RMDN3: variants seen among roughly 807,000 people sequenced by gnomAD.
The protein encoded by RMDN3 is regulator of microtubule dynamics 3.
RMDN3 carries 41 observed loss-of-function variants against 61.8 expected under a neutral mutation model. The observed-to-expected ratio is 0.66, with a 90% confidence interval of 0.52 to 0.86. The LOEUF is 0.86. RMDN3 is among the 40% of genes least tolerant of loss of function. The pLI is 0.00. For synonymous variants in RMDN3, 247 were observed against 232.0 expected, an observed-to-expected ratio of 1.06 and a Z score of -0.59; for missense variants, 557 against 585.3, an observed-to-expected ratio of 0.95 and a Z score of 0.50.
At chr15:40,748,185 C>A (rs1429909840) in intron 4 of RMDN3, among the ~76,000 whole-genome samples, 1 of 152,204 alleles carries the variant, frequency 6.6e-6, no homozygotes, top group East Asian at 1.9e-4. Context: ...TCAGTGAAAT[C>A]AAGCAGCCCA....
chr15:40,744,186 C>A (rs1897401026), intron 5 of RMDN3, 37 bp from the exon 6 acceptor site: 12 of 1,595,720 alleles, frequency 7.5e-6, no homozygotes, highest in Non-Finnish European at 1.0e-5. Flanking sequence ...GCCCCTTTTT[C>A]CTCAACTGTG....
rs1376106733 is a variant in RMDN3, at chr15:40,738,516, A to ACTCTGGATGCGC, written c.1020_1031dup (p.Arg340_Gln343dup). The ACTCTGGATGCGC allele has an allele frequency of 1.9e-6, 3 of 1,614,118 alleles. No individual in the cohort carries two copies. The highest frequency in any genetic ancestry group is 8.5e-7 in the Non-Finnish European group (1 of 1,180,032). On this transcript the variant is annotated inframe_insertion, in exon 8 of 13. Transcript: ENST00000338376. ...CTGTCCTCACCTTGAAGCTAAAGCC[A>ACTCTGGATGCGC]CTCTGGATGCGCCTCTGGATGCTCT...
intron 5 of RMDN3, 98 bp downstream of exon 5, chr15:40,744,879 G>A: frequency 7.8e-7 from 1 of 1,288,658 alleles, no homozygotes; most frequent in Non-Finnish European, 1.1e-6. Context: ...TCACCTTGTA[G>A]GGGCAGTAAC....
intron 4 of RMDN3, among the ~76,000 whole-genome samples, chr15:40,748,945 C>T (rs1251024041): frequency 2.0e-5 from 3 of 151,490 alleles, no homozygotes; most frequent in South Asian, 2.1e-4. Context: ...GCTCTATCAC[C>T]GAGGCTGGAG....
At chr15:40,747,193 GTC>G (rs1363999753) in intron 4 of RMDN3, among the ~76,000 whole-genome samples, 3 of 152,216 alleles carry the variant, frequency 2.0e-5, no homozygotes, top group South Asian at 2.1e-4. Context: ...CCAAAGAGGA[GTC>G]TCTCTGCCTC....
chr15:40,752,550 C>T (rs1051427151), intron 2 of RMDN3, among the ~76,000 whole-genome samples: 1 of 151,984 alleles, frequency 6.6e-6, no homozygotes, highest in African/African-American at 2.4e-5. Context: ...TCAATACCAA[C>T]CACATAGCAA....
chr15:40,747,676 A>T (rs1406274814), intron 4 of RMDN3: 1 of 152,090 alleles, frequency 6.6e-6, no homozygotes, highest in African/African-American at 2.4e-5. Flanking sequence ...GACCTTTGAA[A>T]AGGCCCTTTG....
chr15:40,736,242 G>C lies in RMDN3; in HGVS notation c.*299C>G, dbSNP rs1188871627. On this transcript the variant is annotated 3_prime_UTR_variant, in exon 13 of 13. Transcript: ENST00000338376. ...CATCCACCTCACCAGCAATTGGAAG[G>C]TCTCAGGTCTTGCAGGCTCTACCCA... The C allele has an allele frequency of 2.5e-6, 1 of 397,928 alleles. No homozygotes were observed. The highest frequency in any genetic ancestry group is 2.1e-5 in the African/African-American group (1 of 48,328). The allele number at this position is 397,928 out of a possible 1,614,324, so 24.6% of individuals were successfully genotyped here.
In RMDN3 at chr15:40,752,171, G is replaced by A. The variant is rs761176598; in HGVS notation, c.195C>T (p.Leu65=). The A allele has an allele frequency of 2.5e-6, 4 of 1,613,530 alleles. No homozygotes were observed. Among genetic ancestry groups the A allele is most frequent in the Non-Finnish European group, 3.4e-6 (4 of 1,179,670 alleles). ...QTSDPGRHVM[L]LRAVPGGAGD... ...CAGCCCCACCTGGGACAGCCCGCAG[G>A]AGCATCACTGAAGGGGGAAACGAAT... The change falls in exon 3 of 13, where the codon CTC becomes CTT. Residue 65 remains leucine (L), a synonymous_variant. Coordinates refer to ENST00000338376, the MANE Select transcript of RMDN3 (RefSeq NM_018145.3).
chr15:40,738,887 G>A, intron 7 of RMDN3: 1 of 327,484 alleles, frequency 3.1e-6, no homozygotes, highest in East Asian at 5.6e-5. Flanking sequence ...TACAGCCACA[G>A]GCATTAATAA....
chr15:40,750,697 C>G (rs936752705), intron 4 of RMDN3, among the ~76,000 whole-genome samples: 5 of 152,204 alleles, frequency 3.3e-5, no homozygotes, highest in Non-Finnish European at 7.3e-5. Context: ...TTCTCTACAC[C>G]AGTCTTTCCC....
At chr15:40,744,197 G>A (rs754154824) in intron 5 of RMDN3, 48 bp from the exon 6 acceptor site, 2 of 1,563,272 alleles carry the variant, frequency 1.3e-6, no homozygotes, top group South Asian at 1.1e-5. Flanking sequence ...CTCAACTGTG[G>A]AGAATGGGGG....
intron 2 of RMDN3, among the ~76,000 whole-genome samples, chr15:40,754,348 AC>A (rs1897949086): frequency 6.6e-6 from 1 of 152,036 alleles, no homozygotes; most frequent in Non-Finnish European, 1.5e-5. Flanking sequence ...ATCTGGTTGA[AC>A]GTTGGCCAGG....
chr15:40,740,285 C>T, intron 6 of RMDN3, 92 bp from the exon 7 acceptor site: 1 of 829,636 alleles, frequency 1.2e-6, no homozygotes, highest in East Asian at 2.5e-5. Context: ...TTAGCTCTCA[C>T]CAATCCCTAC....
rs1265887868 is a variant in RMDN3, at chr15:40,736,468, T to TC, written c.*72dup. On this transcript the variant is annotated 3_prime_UTR_variant, in exon 13 of 13. Transcript: ENST00000338376. ...GTGTGGTTTCCTGATCTCAGCAAGG[T>TC]CTAAGGAAAAAAGCCTCCCCGCCCC... 2 of 1,378,118 alleles carry TC rather than the reference T, an allele frequency of 1.5e-6. No individual in the cohort carries two copies. Among genetic ancestry groups the TC allele is most frequent in the Non-Finnish European group, 2.1e-6 (2 of 967,794 alleles). The allele number at this position is 1,378,118 out of a possible 1,614,324, so 85.4% of individuals were successfully genotyped here. A position where few individuals can be genotyped will look rare whatever the true frequency, so the allele number is the denominator to read the frequency against.
chr15:40,744,962 C>T lies in RMDN3; in HGVS notation c.807+15G>A, dbSNP rs1897453347. 6.3e-7 allele frequency: 1 copy of T among 1,575,856 alleles called. No homozygotes were observed. The highest frequency in any genetic ancestry group is 8.6e-7 in the Non-Finnish European group (1 of 1,159,776). ...AGGGAGGGAAGGAGAAGGAGACAGG[C>T]AGCTGGAGCCTCACCACCAGCTTGT... On this transcript the variant is annotated intron_variant, in intron 5 of 12. Transcript: ENST00000338376.
At chr15:40,737,565 A>G in intron 10 of RMDN3, 63 bp downstream of exon 10, 1 of 1,454,098 alleles carries the variant, frequency 6.9e-7, no homozygotes, top group Non-Finnish European at 9.6e-7. Flanking sequence ...GGGTCTCAAT[A>G]ATGTCCTTAG....
In RMDN3 at chr15:40,754,753, G is replaced by C. The variant is rs1474549659; in HGVS notation, c.31C>G (p.Arg11Gly). 3 of 1,602,212 alleles carry C rather than the reference G, an allele frequency of 1.9e-6. No individual in the cohort carries two copies. The highest frequency in any genetic ancestry group is 2.6e-6 in the Non-Finnish European group (3 of 1,172,742). Residue 11 changes from arginine to glycine, a missense_variant, in exon 2 of 13, where the codon CGT becomes GGT. Physicochemically the swap from Arg to Gly is moderately radical, Grantham distance 125. Transcript: ENST00000338376. Reference protein sequence around the residue: MSRLGALGGARAGLGLLLGTA... With the variant: MSRLGALGGAGAGLGLLLGTA... ...CCCAGCAACAGTCCCAGCCCGGCAC[G>C]GGCACCACCCAGGGCTCCCAGTCTA...
chr15:40,743,658 G>A (rs1897370080), intron 6 of RMDN3, among the ~76,000 whole-genome samples: 1 of 152,154 alleles, frequency 6.6e-6, no homozygotes, highest in Admixed American at 6.5e-5. Flanking sequence ...AGTCTTCTAA[G>A]CTAGCTATAT....
Sources: gnomAD v4.1 joint callset for allele counts (sites outside exome capture counted in the v4.1 genomes callset) on GRCh38, gnomAD v4.1.1 for gene constraint, MANE v1.5 for transcripts, NCBI Gene and HGNC (gene_info 2026-07-23, HGNC 2026-07-21) for gene names.